Variants in PAPPA2 observed in about 807,000 individuals in gnomAD.
The protein encoded by PAPPA2 is pappalysin 2.
Under a neutral mutation model 176.4 loss-of-function variants are expected in PAPPA2, and 86 were observed. The observed-to-expected ratio is 0.49, with a 90% CI of 0.41 to 0.58. PAPPA2 has a LOEUF of 0.58. Ranked by LOEUF, PAPPA2 falls within the 20% of genes least tolerant of loss-of-function variation. The probability of loss-of-function intolerance (pLI) is 0.00; values close to 1 mark genes in which losing one functional copy is unlikely to be tolerated. For synonymous variants in PAPPA2, 809 were observed against 852.2 expected (o/e 0.95, Z 0.88); for missense variants, 2,073 against 2,256.9 (o/e 0.92, Z 1.65).
In PAPPA2 at chr1:176,765,650, A is replaced by C. The variant is rs1222188177; in HGVS notation, c.4152-16A>C. 1 of 1,611,774 alleles carries C rather than the reference A, an allele frequency of 6.2e-7. No homozygotes were observed. Among genetic ancestry groups the C allele is most frequent in the African/African-American group, 1.3e-5 (1 of 74,902 alleles). On this transcript the variant is annotated splice_polypyrimidine_tract_variant and intron_variant, in intron 14 of 22. Coordinates refer to ENST00000367662, the MANE Select transcript of PAPPA2 (RefSeq NM_020318.3). ...TCTCAACCAGTCCTAAGATGGTTCT[A>C]TTTCTCTTATCCCAGCTGTATCCAT...
chr1:176,466,431 C>T (rs7515586), intron 1 of PAPPA2, among the ~76,000 whole-genome samples: 18,937 of 152,060 alleles, frequency 0.12, 1,405 homozygotes, highest in African/African-American at 0.21. Flanking sequence ...TAGTTACCTC[C>T]AGGTACATTC....
At chr1:176,623,606 C>CTTA (rs1558478951) in intron 3 of PAPPA2, among the ~76,000 whole-genome samples, 4 of 112,744 alleles carry the variant, frequency 3.5e-5, no homozygotes, top group Non-Finnish European at 5.6e-5. Context: ...TTCCTTCCTT[C>CTTA]CTTCCTTCCT....
At chr1:176,551,905 G>A (rs1650974599) in intron 1 of PAPPA2, among the ~76,000 whole-genome samples, 1 of 152,172 alleles carries the variant, frequency 6.6e-6, no homozygotes, top group South Asian at 2.1e-4. Context: ...GAAGGTGGAG[G>A]TGGAAGTTGG....
intron 2 of PAPPA2, among the ~76,000 whole-genome samples, chr1:176,558,834 A>G (rs753566106): frequency 2.0e-5 from 3 of 152,136 alleles, no homozygotes; most frequent in Non-Finnish European, 2.9e-5. Context: ...CTCCTCTTGC[A>G]GTAGCAACAT....
At chr1:176,630,837 T>A (rs1041267612) in intron 3 of PAPPA2, among the ~76,000 whole-genome samples, 11 of 152,152 alleles carry the variant, frequency 7.2e-5, no homozygotes, top group Non-Finnish European at 1.3e-4. Flanking sequence ...AGAGATAAAT[T>A]CAACTTTATT....
rs536004891 is a variant in PAPPA2 at position 176,646,963 on chromosome 1, A to G, written c.1992-24007A>G. Among the ~76,000 whole-genome samples, 5 of 151,592 alleles carry G rather than the reference A, an allele frequency of 3.3e-5. No individual in the cohort carries two copies. In the South Asian group the frequency reaches 1.0e-3, roughly 31 times the overall value. On this transcript the variant is annotated intron_variant, in intron 3 of 22. Transcript: ENST00000367662. ...TGCTGGATCACATGATAGCTCTATTATTAGTTTTTTGAGGGGACTCTAAAC... is the reference window on the plus strand; with the variant it reads ...TGCTGGATCACATGATAGCTCTATTGTTAGTTTTTTGAGGGGACTCTAAAC...
intron 12 of PAPPA2, among the ~76,000 whole-genome samples, chr1:176,724,859 A>T (rs1396532431): frequency 1.3e-5 from 2 of 152,228 alleles, no homozygotes; most frequent in African/African-American, 2.4e-5. Context: ...AATTCTTACT[A>T]GAGATATGAT....
At chr1:176,517,458 A>G (rs1648978374) in intron 1 of PAPPA2, among the ~76,000 whole-genome samples, 1 of 152,200 alleles carries the variant, frequency 6.6e-6, no homozygotes, top group Non-Finnish European at 1.5e-5. Flanking sequence ...AGTGGGGGAG[A>G]GAAAAATACT....
intron 21 of PAPPA2, among the ~76,000 whole-genome samples, chr1:176,824,629 T>C (rs1666784775): frequency 6.6e-6 from 1 of 152,194 alleles, no homozygotes; most frequent in African/African-American, 2.4e-5. Context: ...GACTCCCCAA[T>C]GTCCTCATGT....
intron 4 of PAPPA2, among the ~76,000 whole-genome samples, chr1:176,687,689 T>G (rs1446072324): frequency 6.6e-6 from 1 of 152,214 alleles, no homozygotes; most frequent in Non-Finnish European, 1.5e-5. Context: ...TGTGGGGATA[T>G]TTGATGTTTG....
chr1:176,712,066 G>T (rs534022257), intron 12 of PAPPA2, 85 bp downstream of exon 12: 3 of 1,437,536 alleles, frequency 2.1e-6, no homozygotes, highest in African/African-American at 1.4e-5. Flanking sequence ...TGTAAATGGT[G>T]CATTTGGATG....
chr1:176,656,760 A>G (rs1462526227), intron 3 of PAPPA2, among the ~76,000 whole-genome samples: 2 of 148,828 alleles, frequency 1.3e-5, no homozygotes, highest in African/African-American at 5.0e-5. Flanking sequence ...TCTTTCTGTA[A>G]TCTCCCTCTC....
intron 3 of PAPPA2, among the ~76,000 whole-genome samples, chr1:176,643,158 GTTAA>G (rs1558492569): frequency 6.6e-6 from 1 of 151,882 alleles, no homozygotes; most frequent in African/African-American, 2.4e-5. Context: ...AACCAGGAGA[GTTAA>G]TTATTACTTT....
At chr1:176,674,993 T>C (rs1659214784) in intron 4 of PAPPA2, among the ~76,000 whole-genome samples, 1 of 152,076 alleles carries the variant, frequency 6.6e-6, no homozygotes, top group African/African-American at 2.4e-5. Context: ...AGTAATGTGG[T>C]ATCTCATTGT....
chr1:176,722,497 T>G (rs929193387), intron 12 of PAPPA2, among the ~76,000 whole-genome samples: 1 of 151,400 alleles, frequency 6.6e-6, no homozygotes, highest in Non-Finnish European at 1.5e-5. Context: ...AAGCTTGGAT[T>G]AGGACCTCCA....
At chr1:176,550,557 G>T (rs1650888766) in intron 1 of PAPPA2, among the ~76,000 whole-genome samples, 1 of 152,216 alleles carries the variant, frequency 6.6e-6, no homozygotes, top group Non-Finnish European at 1.5e-5. Context: ...ACCAGGGAAT[G>T]TAGATCTCTG....
chr1:176,612,862 G>C (rs7538329), intron 3 of PAPPA2, among the ~76,000 whole-genome samples: 24,170 of 152,062 alleles, frequency 0.16, 2,027 homozygotes, highest in Middle Eastern at 0.22. Context: ...GAGGAATCAA[G>C]AGAGTAGCGC....
chr1:176,524,899 G>A lies in PAPPA2; in HGVS notation c.-916-30508G>A, dbSNP rs578206401. Among the ~76,000 whole-genome samples the A allele has an allele frequency of 2.6e-5, 4 of 152,242 alleles. No homozygotes were observed. The East Asian group carries it at 5.8e-4, about 22-fold the overall frequency. ...AAAACAAAATAAAATAAAATTAGTC[G>A]GGCGTGATGGCGGGCGCCTGTAGTC... is the stretch of plus-strand genomic sequence containing the variant. On this transcript the variant is annotated intron_variant, in intron 1 of 22. Transcript: ENST00000367662.
At chr1:176,516,324 T>C (rs1648911847) in intron 1 of PAPPA2, among the ~76,000 whole-genome samples, 1 of 151,814 alleles carries the variant, frequency 6.6e-6, no homozygotes. Context: ...GAAAGTTTAA[T>C]TTGAATACCT....
Sources: allele counts gnomAD v4.1 joint callset (sites outside exome capture counted in the v4.1 genomes callset), GRCh38; gene constraint gnomAD v4.1.1; transcripts MANE v1.5; gene names NCBI Gene and HGNC (gene_info 2026-07-23, HGNC 2026-07-21).